Variants in MBD5 observed in about 807,000 individuals in gnomAD.
MBD5 encodes the protein methyl-CpG binding domain protein 5.
MBD5 carries 13 observed loss-of-function variants against 117.3 expected under a neutral mutation model. The ratio of observed to expected loss-of-function variants is 0.11; its 90% CI spans 0.07 to 0.18. MBD5 has a LOEUF of 0.18. Ranked by LOEUF, MBD5 falls within the 10% of genes least tolerant of loss-of-function variation. The pLI is 1.00. For missense variants in MBD5, 1,879 were observed against 2,093.8 expected, an observed-to-expected ratio of 0.90 and a Z score of 2.00; for synonymous variants, 727 against 766.4, an observed-to-expected ratio of 0.95 and a Z score of 0.85.
intron 2 of MBD5, among the ~76,000 whole-genome samples, chr2:148,223,265 G>T (rs543394540): frequency 6.6e-6 from 1 of 151,894 alleles, no homozygotes; most frequent in South Asian, 2.1e-4. Flanking sequence ...TGGTATAAGG[G>T]TAATACTGGG....
At chr2:148,389,250 ACATATATATATATATATATATATAT>A (rs1704482436) in intron 4 of MBD5, among the ~76,000 whole-genome samples, 1 of 29,120 alleles carries the variant, frequency 3.4e-5, no homozygotes, top group African/African-American at 1.2e-4. Context: ...GGAAAAAAAA[ACATATATATATATATATATATATAT>A]ATATATATAT....
intron 1 of MBD5, among the ~76,000 whole-genome samples, chr2:148,126,964 G>T (rs113340048): frequency 0.037 from 5,522 of 147,630 alleles, 281 homozygotes; most frequent in African/African-American, 0.11. Flanking sequence ...GTTTTCTTCA[G>T]CTTTTTTTCT....
chr2:148,446,759 G>C (rs76838430), intron 4 of MBD5, among the ~76,000 whole-genome samples: 2,986 of 152,100 alleles, frequency 0.02, 31 homozygotes, highest in Non-Finnish European at 0.027. Flanking sequence ...ATAAGTTAGA[G>C]TGTTTCAAGG....
At chr2:148,050,361 A>G (rs1270130021) in intron 1 of MBD5, among the ~76,000 whole-genome samples, 4 of 152,046 alleles carry the variant, frequency 2.6e-5, no homozygotes, top group Non-Finnish European at 5.9e-5. Context: ...ATCCTTTTCC[A>G]TTTTAGAGAA....
intron 4 of MBD5, among the ~76,000 whole-genome samples, chr2:148,366,127 C>T (rs1019504784): frequency 3.3e-5 from 5 of 152,092 alleles, no homozygotes; most frequent in East Asian, 1.9e-4. Flanking sequence ...GCTCATCCAC[C>T]ATGATCGAGT....
intron 1 of MBD5, among the ~76,000 whole-genome samples, chr2:148,128,030 T>C (rs1480562822): frequency 6.6e-6 from 1 of 152,236 alleles, no homozygotes; most frequent in African/African-American, 2.4e-5. Flanking sequence ...CATGAATGTC[T>C]TCTTTTGAGA....
chr2:148,040,314 G>T (rs1274910547), intron 1 of MBD5, among the ~76,000 whole-genome samples: 1 of 152,144 alleles, frequency 6.6e-6, no homozygotes, highest in Non-Finnish European at 1.5e-5. Flanking sequence ...CCATGATTGT[G>T]TGACTGCACT....
chr2:148,364,997 A>G (rs1703655316), intron 4 of MBD5, among the ~76,000 whole-genome samples: 1 of 152,238 alleles, frequency 6.6e-6, no homozygotes, highest in Admixed American at 6.5e-5. Context: ...CCTAATAGAC[A>G]TTTACAGAAC....
At position 148,188,882 on chromosome 2, in the gene MBD5, G is replaced by T. The variant is rs562999600; in HGVS notation, c.-831+10089G>T. Among the ~76,000 whole-genome samples, 14 of 151,620 alleles carry T rather than the reference G, an allele frequency of 9.2e-5. No homozygotes were observed. The East Asian group carries it at 2.2e-3, about 23-fold the overall frequency. Reference sequence around the variant, plus strand: ...CACTAGGGAGTGCCAGACAGTGGGCGCAGGCCAGTGTGTGTGCGCACCGTG... The same window carrying T: ...CACTAGGGAGTGCCAGACAGTGGGCTCAGGCCAGTGTGTGTGCGCACCGTG... On this transcript the variant is annotated intron_variant, in intron 2 of 13. Transcript: ENST00000642680.
intron 1 of MBD5, among the ~76,000 whole-genome samples, chr2:148,114,879 A>G (rs1007073202): frequency 6.6e-6 from 1 of 152,126 alleles, no homozygotes; most frequent in Non-Finnish European, 1.5e-5. Flanking sequence ...AACGAAAATA[A>G]TGTGTACATT....
At chr2:148,272,665 GTATATATTTTAGATATTAACTCCT>G (rs1369556737) in intron 3 of MBD5, among the ~76,000 whole-genome samples, 1 of 151,924 alleles carries the variant, frequency 6.6e-6, no homozygotes, top group African/African-American at 2.4e-5. Context: ...TTTGTGTTCT[GTATATATTTTAGATATTAACTCCT>G]TATTAATTGT....
chr2:148,334,236 C>A (rs1044007172), intron 3 of MBD5, among the ~76,000 whole-genome samples: 5 of 152,152 alleles, frequency 3.3e-5, no homozygotes, highest in Non-Finnish European at 7.4e-5. Context: ...TAGAAACCAG[C>A]TTGCTTGGGT....
intron 1 of MBD5, among the ~76,000 whole-genome samples, chr2:148,096,172 G>T (rs1696063047): frequency 6.6e-6 from 1 of 152,150 alleles, no homozygotes; most frequent in Admixed American, 6.5e-5. Context: ...TAGCAGATAA[G>T]TTGCTAAAAT....
Position 148,458,697 on chromosome 2 carries a change from T to C in MBD5, c.-62T>C, listed in dbSNP as rs1706960430. ...CCCACTTTTGAAGGCCATCATGCTCTGTAATATAAGGATATCATCTTATTG... is the reference window on the plus strand; with the variant it reads ...CCCACTTTTGAAGGCCATCATGCTCCGTAATATAAGGATATCATCTTATTG... On this transcript the variant is annotated 5_prime_UTR_variant, in exon 5 of 14. Transcript: ENST00000642680. 2.1e-6 allele frequency: 3 copies of C among 1,422,016 alleles called. No individual in the cohort carries two copies. Among genetic ancestry groups the C allele is most frequent in the Admixed American group, 3.4e-5 (2 of 59,478 alleles). 88.1% of individuals were successfully genotyped at this position (1,422,016 alleles called of 1,614,324 possible).
chr2:148,318,846 G>T (rs1702219211), intron 3 of MBD5, among the ~76,000 whole-genome samples: 1 of 152,114 alleles, frequency 6.6e-6, no homozygotes, highest in Admixed American at 6.5e-5. Flanking sequence ...CACCCTAGTA[G>T]CTGGGATTAC....
chr2:148,490,250 A>C lies in MBD5; in HGVS notation c.4618A>C (p.Thr1540Pro). The change falls in exon 11 of 14, where the codon ACT (threonine) becomes CCT (proline). Residue 1540 changes from threonine (T) to proline (P), a missense_variant. Transcript: ENST00000642680. ...QSRGFGELLS[T>P]AKQDLVLEEQ... The stretch of plus-strand genomic sequence containing the variant: ...TCGGGGATTTGGAGAGCTGCTAAGC[A>C]CTGCAAAGCAAGACCTGGTCCTAGA... 6.2e-7 allele frequency: 1 copy of C among 1,614,246 alleles called. No individual in the cohort carries two copies. The highest frequency in any genetic ancestry group is 8.5e-7 in the Non-Finnish European group (1 of 1,180,038).
At chr2:148,085,584 C>T (rs1420140321) in intron 1 of MBD5, among the ~76,000 whole-genome samples, 2 of 151,460 alleles carry the variant, frequency 1.3e-5, no homozygotes, top group Admixed American at 1.3e-4. Context: ...ATTAGCCGGG[C>T]GTAGTGGCGG....
chr2:148,142,717 A>G (rs780503157), intron 1 of MBD5, among the ~76,000 whole-genome samples: 12 of 152,212 alleles, frequency 7.9e-5, no homozygotes, highest in Non-Finnish European at 1.5e-4. Flanking sequence ...AACCAAGTCC[A>G]GATTGTACCC....
chr2:148,325,655 T>C (rs1471235666), intron 3 of MBD5, among the ~76,000 whole-genome samples: 1 of 152,196 alleles, frequency 6.6e-6, no homozygotes, highest in Non-Finnish European at 1.5e-5. Context: ...GATAGTAGTT[T>C]GTATTTCTGT....
Sources: gnomAD v4.1 joint callset for allele counts (sites outside exome capture counted in the v4.1 genomes callset) on GRCh38, gnomAD v4.1.1 for gene constraint, MANE v1.5 for transcripts, NCBI Gene and HGNC (gene_info 2026-07-23, HGNC 2026-07-21) for gene names.